Variants in LTBP1 observed in about 807,000 individuals in gnomAD.
The protein encoded by LTBP1 is latent transforming growth factor beta binding protein 1.
LTBP1 carries 129 observed loss-of-function variants against 207.6 expected under a neutral mutation model. That is an observed-to-expected ratio of 0.62 (90% CI 0.54 to 0.72). The LOEUF is 0.72. Ranked by LOEUF, LTBP1 falls within the 30% of genes least tolerant of loss-of-function variation. The pLI is 0.00. For missense variants in LTBP1, 2,281 were observed against 2,217.2 expected (o/e 1.03, Z -0.58); for synonymous variants, 963 against 833.7 (o/e 1.16, Z -2.67).
chr2:33,170,860 T>C (rs62146670), intron 5 of LTBP1, among the ~76,000 whole-genome samples: 73,873 of 151,228 alleles, frequency 0.49, 18,282 homozygotes, highest in Non-Finnish European at 0.51. Flanking sequence ...CACGAAAATC[T>C]GCTGTTCTAC....
At chr2:33,283,537 C>T (rs1304777767) in intron 19 of LTBP1, among the ~76,000 whole-genome samples, 5 of 149,806 alleles carry the variant, frequency 3.3e-5, no homozygotes, top group Admixed American at 2.7e-4. Flanking sequence ...CCCGGATTCA[C>T]GCCATTCTCC....
intron 31 of LTBP1, among the ~76,000 whole-genome samples, chr2:33,377,359 A>G (rs929149736): frequency 3.9e-5 from 6 of 152,228 alleles, no homozygotes; most frequent in Non-Finnish European, 8.8e-5. Context: ...CTCACCAGCC[A>G]TTAGAGAACA....
chr2:33,125,824 C>T lies in LTBP1; in HGVS notation c.1034-8969C>T, dbSNP rs576675993. ...CAGCCTGGGCAACAGAGCAAGACTC[C>T]GTCTCAAAAAAAAAAAAAAAATTAC... On this transcript the variant is annotated intron_variant, in intron 4 of 33. Coordinates refer to ENST00000404816, the MANE Select transcript of LTBP1 (RefSeq NM_206943.4). Among the ~76,000 whole-genome samples, 12 of 113,666 alleles carry T rather than the reference C, an allele frequency of 1.1e-4. No homozygotes were observed. The South Asian group carries it at 2.7e-3, about 25-fold the overall frequency. The allele number at this position is 113,666 out of a possible 152,430, so 74.6% of individuals were successfully genotyped here.
intron 20 of LTBP1, among the ~76,000 whole-genome samples, chr2:33,298,517 A>G (rs1029674418): frequency 1.3e-5 from 2 of 152,250 alleles, no homozygotes; most frequent in African/African-American, 4.8e-5. Context: ...GCCAGCTACA[A>G]GAACTATTGT....
At chr2:33,019,109 A>G (rs1688795888) in intron 2 of LTBP1, among the ~76,000 whole-genome samples, 1 of 151,994 alleles carries the variant, frequency 6.6e-6, no homozygotes, top group Admixed American at 6.6e-5. Flanking sequence ...TTGCTTGTCT[A>G]TTTTGTAATT....
intron 5 of LTBP1, among the ~76,000 whole-genome samples, chr2:33,161,662 A>G (rs1456880130): frequency 6.6e-6 from 1 of 152,246 alleles, no homozygotes. Flanking sequence ...GTTAAAGTAG[A>G]TATGTTATTT....
At chr2:32,973,120 T>TG (rs1364431750) in intron 2 of LTBP1, among the ~76,000 whole-genome samples, 1 of 151,992 alleles carries the variant, frequency 6.6e-6, no homozygotes. Flanking sequence ...TTCTGTTTTT[T>TG]TTGTTGTTGA....
chr2:33,067,804 A>G (rs770624390), intron 3 of LTBP1, among the ~76,000 whole-genome samples: 6 of 152,160 alleles, frequency 3.9e-5, no homozygotes, highest in African/African-American at 7.2e-5. Context: ...TCTCCCATGG[A>G]TACCAGGGGA....
Position 33,267,978 on chromosome 2 carries a change from T to G in LTBP1, c.2617+4586T>G, listed in dbSNP as rs558647195. Among the ~76,000 whole-genome samples the G allele has an allele frequency of 2.0e-5, 3 of 152,356 alleles. No homozygotes were observed. In the East Asian group the frequency reaches 5.8e-4, roughly 29 times the overall value. On this transcript the variant is annotated intron_variant, in intron 15 of 33. Coordinates refer to ENST00000404816, the MANE Select transcript of LTBP1 (RefSeq NM_206943.4). The stretch of plus-strand genomic sequence containing the variant: ...CATCTGCTGTCACATGTTTGAAGCA[T>G]GAATATATCCTTCCAAGAAACAAGT...
chr2:33,307,114 C>G (rs2094110602), intron 22 of LTBP1, among the ~76,000 whole-genome samples: 1 of 152,056 alleles, frequency 6.6e-6, no homozygotes, highest in African/African-American at 2.4e-5. Flanking sequence ...AACTGATTGT[C>G]TACTTTACAC....
chr2:32,970,570 G>A (rs975378985), intron 2 of LTBP1, among the ~76,000 whole-genome samples: 5 of 151,980 alleles, frequency 3.3e-5, no homozygotes, highest in African/African-American at 7.3e-5. Flanking sequence ...GATGGTGGTC[G>A]GTGTGTGGCT....
intron 3 of LTBP1, among the ~76,000 whole-genome samples, chr2:33,097,702 T>C (rs1035804160): frequency 3.3e-5 from 5 of 152,204 alleles, no homozygotes; most frequent in African/African-American, 1.2e-4. Context: ...TTTTAGTGCT[T>C]AATAAACAAT....
At chr2:33,346,709 G>A (rs1343726518) in intron 25 of LTBP1, among the ~76,000 whole-genome samples, 2 of 151,520 alleles carry the variant, frequency 1.3e-5, no homozygotes, top group Non-Finnish European at 2.9e-5. Flanking sequence ...ACTGAGAGTA[G>A]AGTGTTGCGT....
intron 2 of LTBP1, among the ~76,000 whole-genome samples, chr2:32,988,937 T>A (rs1222798916): frequency 1.3e-5 from 2 of 152,230 alleles, no homozygotes; most frequent in Middle Eastern, 3.2e-3. Context: ...TAGACCTCTT[T>A]TTTTTTCTAT....
intron 20 of LTBP1, among the ~76,000 whole-genome samples, chr2:33,299,453 T>C (rs538502999): frequency 6.6e-6 from 1 of 152,220 alleles, no homozygotes; most frequent in South Asian, 2.1e-4. Flanking sequence ...TTACTCCCTT[T>C]AGATTAGGGC....
intron 20 of LTBP1, among the ~76,000 whole-genome samples, chr2:33,294,767 C>T (rs1046739519): frequency 4.0e-5 from 6 of 151,608 alleles, no homozygotes; most frequent in African/African-American, 1.2e-4. Context: ...TTAGTAAAGA[C>T]GAGGTTTCAC....
chr2:33,355,800 C>T (rs548691858), intron 26 of LTBP1, among the ~76,000 whole-genome samples: 13 of 152,192 alleles, frequency 8.5e-5, no homozygotes, highest in Non-Finnish European at 1.6e-4. Flanking sequence ...ATAGCCTTGT[C>T]TACCCATCCC....
At chr2:33,093,647 A>G (rs2079227462) in intron 3 of LTBP1, among the ~76,000 whole-genome samples, 1 of 151,788 alleles carries the variant, frequency 6.6e-6, no homozygotes, top group African/African-American at 2.4e-5. Context: ...GTATATACAT[A>G]TATGAGTGTA....
chr2:33,042,475 A>G (rs1436923771), intron 3 of LTBP1, among the ~76,000 whole-genome samples: 1 of 152,186 alleles, frequency 6.6e-6, no homozygotes, highest in Non-Finnish European at 1.5e-5. Flanking sequence ...CTCAGGAGGG[A>G]CTTTGATCTT....
Sources: allele counts gnomAD v4.1 joint callset (sites outside exome capture counted in the v4.1 genomes callset), GRCh38; gene constraint gnomAD v4.1.1; transcripts MANE v1.5; gene names NCBI Gene and HGNC (gene_info 2026-07-23, HGNC 2026-07-21).